The following RSPO3 variants were observed in gnomAD, a reference collection of about 807,000 sequenced individuals.
The protein encoded by RSPO3 is R-spondin-3.
Under a neutral mutation model 36.5 loss-of-function variants are expected in RSPO3, and 17 were observed. That is an observed-to-expected ratio of 0.47 (90% CI 0.32 to 0.70). The LOEUF (loss-of-function observed/expected upper bound fraction) is 0.70. Ranked by LOEUF, RSPO3 falls within the 30% of genes least tolerant of loss-of-function variation. RSPO3 has a pLI of 0.04. For missense variants in RSPO3, 294 were observed against 322.5 expected (o/e 0.91, Z 0.68); for synonymous variants, 108 against 107.0 (o/e 1.01, Z -0.06).
At chr6:127,120,424 G>A (rs557400572) in intron 1 of RSPO3, among the ~76,000 whole-genome samples, 1 of 152,326 alleles carries the variant, frequency 6.6e-6, no homozygotes, top group South Asian at 2.1e-4. Context: ...GGGGCAGGAA[G>A]CGATGCTGCT....
intron 1 of RSPO3, among the ~76,000 whole-genome samples, chr6:127,123,345 C>T (rs1773881886): frequency 6.6e-6 from 1 of 152,048 alleles, no homozygotes; most frequent in Admixed American, 6.5e-5. Context: ...CGTTTCTCAC[C>T]AGTCTGCCTT....
intron 3 of RSPO3, 50 bp downstream of exon 3, chr6:127,150,622 G>T: frequency 6.5e-7 from 1 of 1,542,762 alleles, no homozygotes; most frequent in South Asian, 1.2e-5. Flanking sequence ...CAGTCTCCAT[G>T]GAGGTGCTTT....
chr6:127,154,470 A>G (rs1774553722), intron 3 of RSPO3, among the ~76,000 whole-genome samples: 1 of 152,202 alleles, frequency 6.6e-6, no homozygotes, highest in African/African-American at 2.4e-5. Flanking sequence ...TCATCTTAGG[A>G]ATCACTTGGT....
chr6:127,141,485 T>A (rs903554929), intron 1 of RSPO3, among the ~76,000 whole-genome samples: 1 of 152,170 alleles, frequency 6.6e-6, no homozygotes, highest in Admixed American at 6.5e-5. Context: ...TTATAGAATA[T>A]AAATATTAGA....
chr6:127,140,783 G>A (rs754290675), intron 1 of RSPO3, among the ~76,000 whole-genome samples: 4 of 152,102 alleles, frequency 2.6e-5, no homozygotes, highest in Admixed American at 6.6e-5. Flanking sequence ...AGCACTCAAC[G>A]CATTGCAGCC....
At chr6:127,137,301 G>A (rs1774179390) in intron 1 of RSPO3, among the ~76,000 whole-genome samples, 1 of 152,078 alleles carries the variant, frequency 6.6e-6, no homozygotes, top group South Asian at 2.1e-4. Flanking sequence ...TGAGGCAGGC[G>A]AATCTCTTGA....
intron 1 of RSPO3, among the ~76,000 whole-genome samples, chr6:127,124,451 T>TAGGACAAACA (rs1242393802): frequency 2.0e-4 from 31 of 152,130 alleles, no homozygotes; most frequent in African/African-American, 7.2e-4. Flanking sequence ...GACAGTGTGT[T>TAGGACAAACA]GAAATTATGT....
chr6:127,143,115 A>T (rs181155923), intron 1 of RSPO3, among the ~76,000 whole-genome samples: 70 of 151,884 alleles, frequency 4.6e-4, no homozygotes, highest in African/African-American at 8.0e-4. Flanking sequence ...ATCATTTTTT[A>T]AAAAAATAGC....
intron 1 of RSPO3, among the ~76,000 whole-genome samples, chr6:127,144,227 C>T (rs1395701426): frequency 6.6e-6 from 1 of 152,112 alleles, no homozygotes; most frequent in Non-Finnish European, 1.5e-5. Context: ...GTATGTGACA[C>T]ATTTTTAGTA....
chr6:127,150,527 G>A lies in RSPO3; in HGVS notation c.391G>A (p.Glu131Lys), dbSNP rs1485752035. The change falls in exon 3 of 5, where the codon GAA becomes AAA. Residue 131 changes from glutamate to lysine, a missense_variant. Physicochemically the swap from Glu to Lys is moderately conservative, Grantham distance 56. Around this residue, in one of 3 missense-constraint regions of RSPO3, gnomAD observed 190 missense variants for 185.2 expected, o/e 1.03. Coordinates refer to ENST00000356698, the MANE Select transcript of RSPO3 (RefSeq NM_032784.5). ...TGGAAAGTGCCTTGACAATTGCCCAGAAGGGTTGGAAGCCAACAACCATAC... is the reference window on the plus strand; with the variant it reads ...TGGAAAGTGCCTTGACAATTGCCCAAAAGGGTTGGAAGCCAACAACCATAC... The part of the protein sequence containing the change: ...HLGKCLDNCP[E>K]GLEANNHTME... 10 of 1,611,992 alleles carry A rather than the reference G, an allele frequency of 6.2e-6. No individual in the cohort carries two copies. The highest frequency in any genetic ancestry group is 8.5e-6 in the Non-Finnish European group (10 of 1,178,936).
intron 1 of RSPO3, among the ~76,000 whole-genome samples, chr6:127,142,898 C>T (rs1033429570): frequency 2.0e-5 from 3 of 151,848 alleles, no homozygotes; most frequent in South Asian, 4.2e-4. Flanking sequence ...CTCACTGGAG[C>T]CTGGGCCTTC....
chr6:127,166,916 T>C (rs1774832278), intron 4 of RSPO3, among the ~76,000 whole-genome samples: 1 of 152,008 alleles, frequency 6.6e-6, no homozygotes, highest in East Asian at 1.9e-4. Context: ...TATTTGAATT[T>C]CCACAGGATG....
rs934273867 is a variant in RSPO3, at chr6:127,196,567, T to G, written c.*560T>G. On this transcript the variant is annotated 3_prime_UTR_variant, in exon 5 of 5. Coordinates refer to ENST00000356698, the MANE Select transcript of RSPO3 (RefSeq NM_032784.5). ...AAGATTAGTTCCATCACTCTCATCC[T>G]GTATTTTTATAAGAAACACAAGAGT... 3 of 152,234 alleles carry G rather than the reference T, an allele frequency of 2.0e-5. No homozygotes were observed. Among genetic ancestry groups the G allele is most frequent in the Non-Finnish European group, 4.4e-5 (3 of 68,048 alleles). The allele number at this position is 152,234 out of a possible 1,614,324, so 9.4% of individuals were successfully genotyped here.
chr6:127,136,285 T>G (rs975506353), intron 1 of RSPO3, among the ~76,000 whole-genome samples: 11 of 152,180 alleles, frequency 7.2e-5, no homozygotes, highest in African/African-American at 2.7e-4. Context: ...GTCTCTTTAT[T>G]TCCTTACTCC....
intron 4 of RSPO3, among the ~76,000 whole-genome samples, chr6:127,164,644 C>T (rs1227689604): frequency 6.6e-6 from 1 of 151,944 alleles, no homozygotes; most frequent in African/African-American, 2.4e-5. Flanking sequence ...AAAGACATGT[C>T]CATGTCCATT....
chr6:127,175,515 A>T (rs1775035028), intron 4 of RSPO3, among the ~76,000 whole-genome samples: 1 of 151,822 alleles, frequency 6.6e-6, no homozygotes, highest in Admixed American at 6.6e-5. Context: ...GCCTGGTAAC[A>T]TCAATTTTGT....
At position 127,196,027 on chromosome 6, in the gene RSPO3, G is replaced by A. The variant is rs544799708; in HGVS notation, c.*20G>A. The A allele has an allele frequency of 6.4e-7, 1 of 1,568,892 alleles. No homozygotes were observed. Among genetic ancestry groups the A allele is most frequent in the Admixed American group, 1.8e-5 (1 of 56,106 alleles). The stretch of plus-strand genomic sequence containing the variant: ...CACTAGAGGGTTCCATGAGATTATT[G>A]TAGACTCATGATGCTGCTATCTCAA... On this transcript the variant is annotated 3_prime_UTR_variant, in exon 5 of 5. Coordinates refer to ENST00000356698, the MANE Select transcript of RSPO3 (RefSeq NM_032784.5).
chr6:127,131,663 CACAG>C (rs149460558), intron 1 of RSPO3, among the ~76,000 whole-genome samples: 175 of 152,146 alleles, frequency 1.2e-3, no homozygotes, highest in Non-Finnish European at 2.1e-3. Context: ...AAAATAAAGA[CACAG>C]ACAGCCGAGT....
chr6:127,181,972 TA>T (rs1158169741), intron 4 of RSPO3, among the ~76,000 whole-genome samples: 9 of 151,858 alleles, frequency 5.9e-5, no homozygotes, highest in Admixed American at 5.9e-4. Flanking sequence ...ATGGCACCAG[TA>T]TCTGACTCTG....
Sources: allele counts gnomAD v4.1 joint callset (sites outside exome capture counted in the v4.1 genomes callset), GRCh38; gene constraint gnomAD v4.1.1; regional missense constraint gnomAD v4.1.1; transcripts MANE v1.5; gene names NCBI Gene and HGNC (gene_info 2026-07-23, HGNC 2026-07-21).